The following GCLC variants were observed in gnomAD, a reference collection of about 807,000 sequenced individuals.
The protein encoded by GCLC is glutamate-cysteine ligase catalytic subunit, also known as glutamate--cysteine ligase catalytic subunit.
In GCLC, 30 loss-of-function variants were observed where a neutral mutation model predicts 81.5. The observed-to-expected ratio is 0.37, with a 90% CI of 0.28 to 0.50. The LOEUF (loss-of-function observed/expected upper bound fraction) is 0.50, where lower values mean the gene tolerates loss of function less well. Ranked by LOEUF, GCLC falls within the 20% of genes least tolerant of loss-of-function variation. The probability of loss-of-function intolerance (pLI) is 0.96; values close to 1 mark genes in which losing one functional copy is unlikely to be tolerated. For synonymous variants in GCLC, 262 were observed against 273.3 expected, an observed-to-expected ratio of 0.96 and a Z score of 0.41; for missense variants, 556 against 777.4, an observed-to-expected ratio of 0.72 and a Z score of 3.39.
chr6:53,503,354 T>C (rs1327054944), intron 12 of GCLC: 1 of 152,212 alleles, frequency 6.6e-6, no homozygotes, highest in Non-Finnish European at 1.5e-5. Flanking sequence ...CTGTTGTTTA[T>C]AAGCCACCCA....
intron 1 of GCLC, among the ~76,000 whole-genome samples, chr6:53,533,679 C>G (rs1434019289): frequency 6.6e-6 from 1 of 151,692 alleles, no homozygotes; most frequent in African/African-American, 2.4e-5. Context: ...AAAAATACAA[C>G]TAAAAGAATC....
chr6:53,500,619 TCTA>T (rs1423729698), intron 12 of GCLC, 106 bp from the exon 13 acceptor site: 2 of 826,032 alleles, frequency 2.4e-6, no homozygotes, highest in Non-Finnish European at 4.2e-6. Flanking sequence ...CCTTAGGGAT[TCTA>T]CTTTCTGCTC....
chr6:53,505,291 A>G, intron 12 of GCLC, 101 bp downstream of exon 12: 1 of 715,832 alleles, frequency 1.4e-6, no homozygotes, highest in South Asian at 1.5e-5. Flanking sequence ...GCAAAGGGTA[A>G]ACAATTTCAA....
At chr6:53,524,781 T>C (rs1465344802) in intron 1 of GCLC, among the ~76,000 whole-genome samples, 1 of 152,252 alleles carries the variant, frequency 6.6e-6, no homozygotes, top group Admixed American at 6.5e-5. Flanking sequence ...CAAGAACTTG[T>C]AGCAATTATA....
intron 1 of GCLC, among the ~76,000 whole-genome samples, chr6:53,526,949 T>C (rs768572973): frequency 3.3e-5 from 5 of 152,182 alleles, no homozygotes; most frequent in Admixed American, 1.3e-4. Flanking sequence ...CAGTTCCCCA[T>C]TTAGGGAGAA....
At chr6:53,521,474 T>C (rs1762994043) in intron 2 of GCLC, among the ~76,000 whole-genome samples, 1 of 151,884 alleles carries the variant, frequency 6.6e-6, no homozygotes, top group Non-Finnish European at 1.5e-5. Context: ...TATAAGTAAC[T>C]GAAAATGCAC....
chr6:53,499,011 G>T, intron 15 of GCLC, 44 bp from the exon 16 acceptor site: 5 of 1,106,226 alleles, frequency 4.5e-6, no homozygotes, highest in East Asian at 2.6e-5. Flanking sequence ...AACCACGTAA[G>T]TTTTTTTTTT....
chr6:53,507,673 AT>A, intron 8 of GCLC, 55 bp from the exon 9 acceptor site: 1 of 719,800 alleles, frequency 1.4e-6, no homozygotes. Flanking sequence ...AGTGGAATAT[AT>A]TTTTATATAT....
At chr6:53,507,709 T>A in intron 8 of GCLC, 91 bp from the exon 9 acceptor site, 1 of 549,288 alleles carries the variant, frequency 1.8e-6, no homozygotes, top group Non-Finnish European at 3.0e-6. Flanking sequence ...AACCTCAACA[T>A]AAGATACAGA....
At chr6:53,540,260 G>A (rs910620906) in intron 1 of GCLC, among the ~76,000 whole-genome samples, 4 of 147,466 alleles carry the variant, frequency 2.7e-5, no homozygotes, top group Non-Finnish European at 4.4e-5. Flanking sequence ...ACAACTAAAC[G>A]TTCACTGACA....
intron 12 of GCLC, among the ~76,000 whole-genome samples, chr6:53,502,932 A>T (rs78850272): frequency 0.055 from 8,320 of 152,244 alleles, 513 homozygotes; most frequent in East Asian, 0.19. Context: ...TATACTATTA[A>T]TAGTTTTCCT....
At chr6:53,516,438 C>A (rs1410700745) in intron 3 of GCLC, among the ~76,000 whole-genome samples, 1 of 152,168 alleles carries the variant, frequency 6.6e-6, no homozygotes, top group Non-Finnish European at 1.5e-5. Flanking sequence ...TAATTCCAGC[C>A]CACTACTAAC....
At chr6:53,530,968 A>C (rs549774648) in intron 1 of GCLC, among the ~76,000 whole-genome samples, 2 of 152,146 alleles carry the variant, frequency 1.3e-5, no homozygotes, top group African/African-American at 2.4e-5. Flanking sequence ...TAGGTGGGGG[A>C]GCAGCTAAGA....
intron 1 of GCLC, among the ~76,000 whole-genome samples, chr6:53,528,666 T>C (rs1400259330): frequency 1.3e-5 from 2 of 152,238 alleles, no homozygotes; most frequent in African/African-American, 2.4e-5. Context: ...CATGATACTA[T>C]GAAAGGTTTA....
At chr6:53,521,573 C>T (rs1379284201) in intron 2 of GCLC, among the ~76,000 whole-genome samples, 1 of 152,188 alleles carries the variant, frequency 6.6e-6, no homozygotes, top group Non-Finnish European at 1.5e-5. Context: ...GTGCTGCCCT[C>T]CAAACTCAAA....
At position 53,500,233 on chromosome 6, in the gene GCLC, G is replaced by A; in HGVS notation, c.1581+14C>T. 1 of 1,612,372 alleles carries A rather than the reference G, an allele frequency of 6.2e-7. No homozygotes were observed. Among genetic ancestry groups the A allele is most frequent in the Non-Finnish European group, 8.5e-7 (1 of 1,178,510 alleles). ...GTGCACAGTGAGGGGTACTGTACAG[G>A]GCCACCCTCCTACCTTCCCATTGAT... On this transcript the variant is annotated intron_variant, in intron 14 of 15. Coordinates refer to ENST00000650454, the MANE Select transcript of GCLC (RefSeq NM_001498.4).
chr6:53,523,202 A>G (rs1470652909), intron 1 of GCLC: 1 of 137,548 alleles, frequency 7.3e-6, no homozygotes, highest in Non-Finnish European at 1.6e-5. Context: ...TAGTAAAAAT[A>G]AAGGACATAA....
At chr6:53,507,407 CAA>C (rs1764637035) in intron 9 of GCLC, 71 bp downstream of exon 9, 1 of 1,521,388 alleles carries the variant, frequency 6.6e-7, no homozygotes, top group African/African-American at 1.4e-5. Flanking sequence ...CAGGAGTCAG[CAA>C]AAAAGTGTAA....
chr6:53,505,178 G>C (rs992626804), intron 12 of GCLC: 1 of 523,144 alleles, frequency 1.9e-6, no homozygotes, highest in African/African-American at 1.9e-5. Context: ...TCAATGTGTA[G>C]GACTACTTCT....
Sources: gnomAD v4.1 joint callset for allele counts (sites outside exome capture counted in the v4.1 genomes callset) on GRCh38, gnomAD v4.1.1 for gene constraint, MANE v1.5 for transcripts, NCBI Gene and HGNC (gene_info 2026-07-23, HGNC 2026-07-21) for gene names.